Variants in UGGT1 observed in about 807,000 individuals in gnomAD.
UGGT1 encodes the protein UDP-glucose glycoprotein glucosyltransferase 1.
UGGT1 carries 107 observed loss-of-function variants against 203.9 expected under a neutral mutation model. That is an observed-to-expected ratio of 0.52 (90% CI 0.45 to 0.62). The LOEUF (loss-of-function observed/expected upper bound fraction) is 0.62, where lower values mean the gene tolerates loss of function less well. Ranked by LOEUF, UGGT1 falls within the 20% of genes least tolerant of loss-of-function variation. UGGT1 has a pLI of 0.00. For synonymous variants in UGGT1, 628 were observed against 653.5 expected (o/e 0.96, Z 0.59); for missense variants, 1,673 against 1,867.2 (o/e 0.90, Z 1.92).
At chr2:128,163,394 G>A (rs1486660887) in intron 25 of UGGT1, among the ~76,000 whole-genome samples, 1 of 141,846 alleles carries the variant, frequency 7.0e-6, no homozygotes, top group Non-Finnish European at 1.5e-5. Context: ...TTTTTTTTCA[G>A]GTTTAGTTCA....
At chr2:128,164,707 A>G (rs1207324989) in intron 25 of UGGT1, 23 bp from the exon 26 acceptor site, 1 of 1,605,086 alleles carries the variant, frequency 6.2e-7, no homozygotes, top group Non-Finnish European at 8.5e-7. Context: ...AGATGTTAAG[A>G]TTTCTCTAAC....
chr2:128,164,699 A>T (rs1467218716), intron 25 of UGGT1, 31 bp from the exon 26 acceptor site: 1 of 1,579,716 alleles, frequency 6.3e-7, no homozygotes, highest in Non-Finnish European at 8.7e-7. Flanking sequence ...AGTTAAAAAG[A>T]TGTTAAGATT....
intron 15 of UGGT1, among the ~76,000 whole-genome samples, chr2:128,138,430 G>T (rs1164588589): frequency 1.3e-5 from 2 of 151,858 alleles, no homozygotes; most frequent in South Asian, 2.1e-4. Context: ...CAGGAGAATC[G>T]CTTGAACCTG....
Position 128,155,566 on chromosome 2 carries a change from A to C in UGGT1, c.2215A>C (p.Met739Leu). ...QGKTAAVANS[M>L]NYLTKKGMSS... ...CAAGACTGCTGCTGTAGCCAATAGT[A>C]TGAACTATCTGACAAAGAAAGGTAA... The change falls in exon 20 of 41, where the codon ATG becomes CTG. Residue 739 changes from methionine (M) to leucine (L), a missense_variant. Met to Leu is a conservative substitution (Grantham distance 15). Coordinates refer to ENST00000259253, the MANE Select transcript of UGGT1 (RefSeq NM_020120.4). 1 of 1,612,546 alleles carries C rather than the reference A, an allele frequency of 6.2e-7. No homozygotes were observed. The highest frequency in any genetic ancestry group is 8.5e-7 in the Non-Finnish European group (1 of 1,179,454).
intron 10 of UGGT1, 28 bp from the exon 11 acceptor site, chr2:128,123,158 A>G (rs111546560): frequency 6.3e-7 from 1 of 1,585,240 alleles, no homozygotes; most frequent in Non-Finnish European, 8.6e-7. Context: ...TATTAAGCCA[A>G]GCACTCATAA....
Position 128,112,453 on chromosome 2 carries a change from G to GTT in UGGT1, c.522-630_522-629dup, listed in dbSNP as rs1306847000. On this transcript the variant is annotated intron_variant, in intron 5 of 40. Coordinates refer to ENST00000259253, the MANE Select transcript of UGGT1 (RefSeq NM_020120.4). ...AAAAAAACCCCCCAAAAAATACTAT[G>GTT]TTATATATATATATATATATTACAT... 2.8e-3 allele frequency among the ~76,000 whole-genome samples: 30 copies of GTT among 10,852 alleles called. 2 individuals are homozygous for GTT. Among genetic ancestry groups the GTT allele is most frequent in the Non-Finnish European group, 6.9e-3 (11 of 1,602 alleles). 7.1% of individuals were successfully genotyped at this position (10,852 alleles called of 152,430 possible). A position where few individuals can be genotyped will look rare whatever the true frequency, so the allele number is the denominator to read the frequency against.
rs1347164022 is a variant in UGGT1, at chr2:128,171,275, C to T, written c.3095C>T (p.Pro1032Leu). The stretch of plus-strand genomic sequence containing the variant: ...TGCCAATCCAAACTTTCTGACATGC[C>T]TTTAAAAAGGTAAAACATGCTATGT... ...MNCQSKLSDM[P>L]LKSFYRYVLE... Residue 1032 changes from proline (P) to leucine (L), a missense_variant, in exon 28 of 41, where the codon CCT becomes CTT. Coordinates refer to ENST00000259253, the MANE Select transcript of UGGT1 (RefSeq NM_020120.4). The T allele has an allele frequency of 1.9e-6, 3 of 1,612,390 alleles. No individual in the cohort carries two copies. The Admixed American group carries it at 5.0e-5, about 27-fold the overall frequency.
chr2:128,145,942 C>T lies in UGGT1; in HGVS notation c.1991C>T (p.Thr664Ile), dbSNP rs1321327034. The T allele has an allele frequency of 6.2e-7, 1 of 1,613,956 alleles. No homozygotes were observed. Among genetic ancestry groups the T allele is most frequent in the Non-Finnish European group, 8.5e-7 (1 of 1,180,000 alleles). ...ITMHKILETT[T>I]FFQRAVYLGE... ...ATGCATAAAATCCTGGAGACCACCA[C>T]CTTCTTCCAAAGAGCGGTGTACTTG... Residue 664 changes from threonine to isoleucine, a missense_variant, in exon 18 of 41, where the codon ACC (threonine) becomes ATC (isoleucine). Transcript: ENST00000259253.
chr2:128,135,093 C>G (rs1379909260), intron 15 of UGGT1, 132 bp downstream of exon 15: 3 of 744,432 alleles, frequency 4.0e-6, no homozygotes, highest in Non-Finnish European at 6.8e-6. Context: ...ATTTTATCTT[C>G]TGGTCAGTAT....
At position 128,115,952 on chromosome 2, in the gene UGGT1, A is replaced by G. The variant is rs566714426; in HGVS notation, c.794-313A>G. Among the ~76,000 whole-genome samples the G allele has an allele frequency of 6.6e-5, 10 of 152,310 alleles. No individual in the cohort carries two copies. The South Asian group carries it at 1.9e-3, about 28-fold the overall frequency. ...AATTCTTTGTTCATAGTGTTTGACT[A>G]TTAATTTCATAATTGTCCATAATGT... On this transcript the variant is annotated intron_variant, in intron 7 of 40. Transcript: ENST00000259253.
Position 128,159,758 on chromosome 2 carries a change from G to A in UGGT1, c.2562+38G>A, listed in dbSNP as rs757988757. On this transcript the variant is annotated intron_variant, in intron 23 of 40. Transcript: ENST00000259253. ...GCCTCTCATGAGGCTGCCCCATTTT[G>A]TCTGCCACGGAAGCTCACCCACTGC... 9 of 1,597,330 alleles carry A rather than the reference G, an allele frequency of 5.6e-6. No homozygotes were observed. In the East Asian group the frequency reaches 2.0e-4, roughly 36 times the overall value.
At chr2:128,111,796 A>G (rs1217852074) in intron 5 of UGGT1, among the ~76,000 whole-genome samples, 1 of 150,050 alleles carries the variant, frequency 6.7e-6, no homozygotes, top group Non-Finnish European at 1.5e-5. Context: ...CGACCGGCCT[A>G]TACTTATATT....
At chr2:128,106,780 C>G (rs62157708) in intron 3 of UGGT1, among the ~76,000 whole-genome samples, 21,632 of 152,082 alleles carry the variant, frequency 0.14, 1,970 homozygotes, top group Non-Finnish European at 0.2. Context: ...GAACTCCTGA[C>G]CTCGGGTGAT....
chr2:128,092,605 CTT>C (rs55814829), intron 1 of UGGT1, among the ~76,000 whole-genome samples: 4 of 126,696 alleles, frequency 3.2e-5, no homozygotes, highest in African/African-American at 8.8e-5. Context: ...TTCTTTCTTT[CTT>C]TTTTTTTTTT....
intron 26 of UGGT1, 70 bp downstream of exon 26, chr2:128,164,895 C>G (rs1217453630): frequency 1.5e-5 from 18 of 1,180,206 alleles, no homozygotes; most frequent in Non-Finnish European, 2.1e-5. Context: ...TACCTCAGCT[C>G]CTTCATTTTT....
At chr2:128,102,672 T>C (rs901956455) in intron 2 of UGGT1, among the ~76,000 whole-genome samples, 1 of 152,168 alleles carries the variant, frequency 6.6e-6, no homozygotes, top group Non-Finnish European at 1.5e-5. Flanking sequence ...AGAATGTATG[T>C]TTCAAGAAGT....
At chr2:128,111,210 G>A (rs1263838304) in intron 5 of UGGT1, among the ~76,000 whole-genome samples, 1 of 152,066 alleles carries the variant, frequency 6.6e-6, no homozygotes, top group Admixed American at 6.6e-5. Context: ...TGGGTGTGGT[G>A]GCAGTAACCA....
At chr2:128,168,172 A>G (rs1690888717) in intron 26 of UGGT1, among the ~76,000 whole-genome samples, 1 of 152,148 alleles carries the variant, frequency 6.6e-6, no homozygotes, top group Non-Finnish European at 1.5e-5. Flanking sequence ...AGAGTTTCTG[A>G]TTCAGTAAGT....
chr2:128,127,508 A>T, intron 12 of UGGT1, 56 bp downstream of exon 12: 1 of 1,286,008 alleles, frequency 7.8e-7, no homozygotes, highest in South Asian at 1.2e-5. Context: ...AGCACCTTGT[A>T]ACATGTTCAT....
Sources: allele counts gnomAD v4.1 joint callset (sites outside exome capture counted in the v4.1 genomes callset), GRCh38; gene constraint gnomAD v4.1.1; transcripts MANE v1.5; gene names NCBI Gene and HGNC (gene_info 2026-07-23, HGNC 2026-07-21).